Variants in ADCY8 observed in about 807,000 individuals in gnomAD.
ADCY8 encodes the protein adenylate cyclase type 8.
In ADCY8, 51 loss-of-function variants were observed where a neutral mutation model predicts 119.7. That is an observed-to-expected ratio of 0.43 (90% confidence interval 0.34 to 0.54). The LOEUF (loss-of-function observed/expected upper bound fraction) is 0.54, where lower values mean the gene tolerates loss of function less well. Among genes scored for constraint, ADCY8 ranks in the 20% least tolerant of loss-of-function variants. ADCY8 has a pLI of 0.03. For synonymous variants in ADCY8, 665 were observed against 651.0 expected, an observed-to-expected ratio of 1.02 and a Z score of -0.33; for missense variants, 1,383 against 1,598.8, an observed-to-expected ratio of 0.87 and a Z score of 2.30.
rs1218061423 is a variant in ADCY8 at position 130,850,242 on chromosome 8, G to C, written c.2211-439C>G. Among the ~76,000 whole-genome samples, 4 of 152,268 alleles carry C rather than the reference G, an allele frequency of 2.6e-5. No homozygotes were observed. The East Asian group carries it at 7.7e-4, about 29-fold the overall frequency. ...TTTGGCATTGGTTTTAAGTTGCTCA[G>C]GTTGGTTCCTGGTTTTGTGGTTTTC... On this transcript the variant is annotated intron_variant, in intron 9 of 17. Transcript: ENST00000286355.
At chr8:130,799,787 G>A (rs263238) in intron 15 of ADCY8, among the ~76,000 whole-genome samples, 18,149 of 152,200 alleles carry the variant, frequency 0.12, 1,388 homozygotes, top group East Asian at 0.29. Flanking sequence ...GGCTTATTCC[G>A]TAGCATTTTC....
chr8:130,989,252 C>T (rs1259150354), intron 2 of ADCY8, among the ~76,000 whole-genome samples: 2 of 152,182 alleles, frequency 1.3e-5, no homozygotes, highest in East Asian at 1.9e-4. Flanking sequence ...CCCTGGGAGA[C>T]AGCAGATGGC....
At position 131,013,790 on chromosome 8, in the gene ADCY8, A is replaced by G. The variant is rs889569574; in HGVS notation, c.961-23248T>C. 3.9e-5 allele frequency among the ~76,000 whole-genome samples: 6 copies of G among 152,300 alleles called. No homozygotes were observed. In the East Asian group the frequency reaches 1.2e-3, roughly 29 times the overall value. ...TTGCCAAGGGCTTGTTTTCTCTTAA[A>G]ATGCATCTGTTGTTCAGGGTTGATA... On this transcript the variant is annotated intron_variant, in intron 1 of 17. Coordinates refer to ENST00000286355, the MANE Select transcript of ADCY8 (RefSeq NM_001115.3).
intron 7 of ADCY8, among the ~76,000 whole-genome samples, chr8:130,898,927 A>G (rs150169953): frequency 2.2e-4 from 33 of 152,350 alleles, no homozygotes; most frequent in Admixed American, 7.8e-4. Context: ...TTGAGATCAC[A>G]TCACTGCCCC....
At chr8:131,026,431 G>A (rs1043211391) in intron 1 of ADCY8, among the ~76,000 whole-genome samples, 3 of 152,012 alleles carry the variant, frequency 2.0e-5, no homozygotes, top group African/African-American at 7.3e-5. Context: ...ATATTGCTAT[G>A]GAAGCCTGAA....
chr8:131,032,166 C>T lies in ADCY8; in HGVS notation c.960+7208G>A, dbSNP rs75552838. On this transcript the variant is annotated intron_variant, in intron 1 of 17. Coordinates refer to ENST00000286355, the MANE Select transcript of ADCY8 (RefSeq NM_001115.3). The stretch of plus-strand genomic sequence containing the variant: ...AAACGGCAGTTGTAAAAACATTACT[C>T]ATTTAACAAGAAACCCCAAGACATT... Among the ~76,000 whole-genome samples the T allele has an allele frequency of 5.8e-3, 883 of 152,288 alleles. 7 individuals are homozygous for T. The highest frequency in any genetic ancestry group is 0.02 in the African/African-American group (837 of 41,556).
At chr8:130,904,723 G>A (rs576638344) in intron 6 of ADCY8, among the ~76,000 whole-genome samples, 1 of 152,300 alleles carries the variant, frequency 6.6e-6, no homozygotes, top group East Asian at 1.9e-4. Context: ...ACTCATGGCT[G>A]CACAATTGTC....
At chr8:130,809,507 A>G (rs940636256) in intron 14 of ADCY8, among the ~76,000 whole-genome samples, 2 of 152,160 alleles carry the variant, frequency 1.3e-5, no homozygotes, top group African/African-American at 4.8e-5. Flanking sequence ...AATATCCTAT[A>G]GTATCTCATT....
chr8:130,881,645 A>T (rs1320130726), intron 8 of ADCY8, among the ~76,000 whole-genome samples: 1 of 152,126 alleles, frequency 6.6e-6, no homozygotes, highest in African/African-American at 2.4e-5. Context: ...GTATGTATTT[A>T]AAAAATTCTA....
At chr8:130,966,037 C>T (rs1018562533) in intron 2 of ADCY8, among the ~76,000 whole-genome samples, 3 of 152,174 alleles carry the variant, frequency 2.0e-5, no homozygotes, top group South Asian at 4.1e-4. Flanking sequence ...CATCAAGATA[C>T]TCATATTTTC....
At chr8:130,785,348 C>T (rs1324554010) in intron 16 of ADCY8, 35 bp downstream of exon 16, 1 of 1,478,160 alleles carries the variant, frequency 6.8e-7, no homozygotes, top group Non-Finnish European at 9.3e-7. Context: ...CAAGACCCCA[C>T]CATGCATTGT....
rs1190237026 is a variant in ADCY8, at chr8:130,884,904, A to T, written c.1912-143T>A. Reference sequence around the variant, plus strand: ...TATTCAGTGAAACCTACAGAAGTTGATCTGATAGCATTTGGTGCAGAGAAA... The same window carrying T: ...TATTCAGTGAAACCTACAGAAGTTGTTCTGATAGCATTTGGTGCAGAGAAA... On this transcript the variant is annotated intron_variant, in intron 7 of 17. Transcript: ENST00000286355. The T allele has an allele frequency of 2.0e-5, 17 of 836,100 alleles. No individual in the cohort carries two copies. In the Admixed American group the frequency reaches 3.3e-4, roughly 16 times the overall value. The allele number at this position is 836,100 out of a possible 1,614,324, so 51.8% of individuals were successfully genotyped here.
At chr8:130,943,199 C>G (rs1821008098) in intron 4 of ADCY8, 152 bp downstream of exon 4, 1 of 562,450 alleles carries the variant, frequency 1.8e-6, no homozygotes, top group African/African-American at 1.9e-5. Flanking sequence ...AACATCAGTC[C>G]CCAGAATGTG....
intron 8 of ADCY8, 30 bp downstream of exon 8, chr8:130,884,534 A>C: frequency 6.2e-7 from 1 of 1,611,342 alleles, no homozygotes; most frequent in Non-Finnish European, 8.5e-7. Flanking sequence ...TTTACTCAGA[A>C]AAAGAGCCGC....
chr8:130,856,608 G>A (rs541064738), intron 9 of ADCY8, among the ~76,000 whole-genome samples: 35 of 152,198 alleles, frequency 2.3e-4, no homozygotes, highest in African/African-American at 8.4e-4. Context: ...TTCTTTCCTG[G>A]TATTCTCTGG....
intron 5 of ADCY8, among the ~76,000 whole-genome samples, chr8:130,924,385 G>T (rs957880418): frequency 6.6e-6 from 1 of 152,150 alleles, no homozygotes; most frequent in East Asian, 1.9e-4. Flanking sequence ...CATTCCCCTG[G>T]CACACAGGCT....
intron 7 of ADCY8, among the ~76,000 whole-genome samples, chr8:130,896,769 C>T (rs1819404782): frequency 6.6e-6 from 1 of 151,974 alleles, no homozygotes; most frequent in African/African-American, 2.4e-5. Context: ...GACGGTTCAC[C>T]AGGATAAGTG....
At chr8:130,896,779 G>A (rs1554613881) in intron 7 of ADCY8, among the ~76,000 whole-genome samples, 1 of 152,090 alleles carries the variant, frequency 6.6e-6, no homozygotes, top group Non-Finnish European at 1.5e-5. Context: ...CAGGATAAGT[G>A]TAGCTGTTAC....
chr8:130,916,270 GAC>G (rs2130568177), intron 5 of ADCY8, among the ~76,000 whole-genome samples: 1 of 152,262 alleles, frequency 6.6e-6, no homozygotes, highest in East Asian at 1.9e-4. Flanking sequence ...CCAATATATG[GAC>G]ACAGTCTCTA....
Sources: allele counts gnomAD v4.1 joint callset (sites outside exome capture counted in the v4.1 genomes callset), GRCh38; gene constraint gnomAD v4.1.1; transcripts MANE v1.5; gene names NCBI Gene and HGNC (gene_info 2026-07-23, HGNC 2026-07-21).